KIAA0586: variants seen among roughly 807,000 people sequenced by gnomAD.
KIAA0586 encodes KIAA0586.
In KIAA0586, 144 loss-of-function variants were observed where a neutral mutation model predicts 169.8. The ratio of observed to expected loss-of-function variants is 0.85; its 90% confidence interval spans 0.74 to 0.97. The LOEUF is 0.97. Among genes scored for constraint, KIAA0586 ranks in the 50% least tolerant of loss-of-function variants. KIAA0586 has a pLI of 0.00. For missense variants in KIAA0586, 1,854 were observed against 1,823.0 expected (o/e 1.02, Z -0.31); for synonymous variants, 625 against 612.4 (o/e 1.02, Z -0.30).
At chr14:58,558,146 A>T in the KIAA0586 span, among the ~76,000 whole-genome samples, 1 of 151,890 alleles carries the variant, frequency 6.6e-6, no homozygotes, top group Non-Finnish European at 1.5e-5. Flanking sequence ...CCTGGCCTCA[A>T]GTGACCCGCC....
intron 2 of KIAA0586, 136 bp from the exon 3 acceptor site, chr14:58,430,512 A>G: frequency 1.8e-6 from 1 of 547,564 alleles, no homozygotes; most frequent in East Asian, 3.1e-5. Flanking sequence ...GAATTGCATG[A>G]TGATGGAAAT....
Position 58,453,452 on chromosome 14 carries a change from G to A in KIAA0586, c.1232G>A (p.Trp411Ter). Reference protein sequence around the residue: ...TTSLTRSKIGWTPEKTNRFPS... With the variant: ...TTSLTRSKIG The stretch of plus-strand genomic sequence containing the variant: ...TCACTAACTAGGTCAAAAATAGGAT[G>A]GACTCCTGAGAAAACAAACAGGTAA... Residue 411 changes from tryptophan (W) to a stop codon, truncating the protein, a stop_gained, in exon 9 of 31, where the codon TGG becomes TAG. Transcript: ENST00000652326. LOFTEE classifies it high-confidence loss of function. The A allele has an allele frequency of 6.6e-7, 1 of 1,515,646 alleles. No homozygotes were observed. The highest frequency in any genetic ancestry group is 8.8e-7 in the Non-Finnish European group (1 of 1,133,998). The allele number at this position is 1,515,646 out of a possible 1,614,324, so 93.9% of individuals were successfully genotyped here. A position where few individuals can be genotyped will look rare whatever the true frequency, so the allele number is the denominator to read the frequency against.
intron 29 of KIAA0586, among the ~76,000 whole-genome samples, chr14:58,529,365 A>G (rs996866241): frequency 6.6e-6 from 1 of 152,234 alleles, no homozygotes; most frequent in South Asian, 2.1e-4. Context: ...TGAAGCCAGC[A>G]TCATCCTGAT....
chr14:58,554,169 CTGCT>C (rs2047231900), downstream of KIAA0586, among the ~76,000 whole-genome samples: 1 of 151,944 alleles, frequency 6.6e-6, no homozygotes, highest in Non-Finnish European at 1.5e-5. Context: ...GTTCAAGCCT[CTGCT>C]TGTGTCATAT....
intron 4 of KIAA0586, among the ~76,000 whole-genome samples, chr14:58,442,227 A>C (rs1441230383): frequency 1.3e-5 from 2 of 152,128 alleles, no homozygotes; most frequent in East Asian, 3.9e-4. Context: ...CTCCTGCCTC[A>C]GCCTCCTGAG....
intron 5 of KIAA0586, among the ~76,000 whole-genome samples, chr14:58,443,722 C>CA (rs2038613750): frequency 6.6e-6 from 1 of 152,154 alleles, no homozygotes; most frequent in African/African-American, 2.4e-5. Context: ...CGCGCCTGGC[C>CA]AATTTTTTTT....
intron 14 of KIAA0586, among the ~76,000 whole-genome samples, chr14:58,462,268 G>C (rs976489981): frequency 9.1e-5 from 10 of 109,656 alleles, no homozygotes; most frequent in African/African-American, 3.2e-4. Context: ...TTTTTTTTGA[G>C]ACGGAGTCTT....
chr14:58,436,942 G>A (rs551090222), intron 4 of KIAA0586, among the ~76,000 whole-genome samples: 21 of 152,274 alleles, frequency 1.4e-4, no homozygotes, highest in African/African-American at 4.6e-4. Context: ...TCCCCTAAAG[G>A]AATTTGGTCT....
At chr14:58,447,488 A>ATTTTG (rs1346383080) in intron 6 of KIAA0586, among the ~76,000 whole-genome samples, 17 of 130,526 alleles carry the variant, frequency 1.3e-4, no homozygotes, top group African/African-American at 3.8e-4. Flanking sequence ...GTTTTATTTT[A>ATTTTG]TTTTGTTTTT....
At chr14:58,485,986 A>G (rs1302940465) in intron 21 of KIAA0586, among the ~76,000 whole-genome samples, 1 of 151,982 alleles carries the variant, frequency 6.6e-6, no homozygotes, top group Non-Finnish European at 1.5e-5. Context: ...TTAAAATTTC[A>G]GCTTTTATTT....
chr14:58,541,034 C>G (rs1175080670), intron 30 of KIAA0586, among the ~76,000 whole-genome samples: 1 of 152,174 alleles, frequency 6.6e-6, no homozygotes, highest in Non-Finnish European at 1.5e-5. Flanking sequence ...GCTTCAAGAA[C>G]TCAATAAAAC....
At chr14:58,430,439 A>T (rs569539508) in intron 2 of KIAA0586, among the ~76,000 whole-genome samples, 4 of 152,216 alleles carry the variant, frequency 2.6e-5, no homozygotes, top group African/African-American at 9.6e-5. Context: ...TCATTCATTC[A>T]CTTGTCTGAT....
At chr14:58,483,149 T>C (rs1158189418) in intron 21 of KIAA0586, among the ~76,000 whole-genome samples, 1 of 91,804 alleles carries the variant, frequency 1.1e-5, no homozygotes, top group Non-Finnish European at 2.2e-5. Flanking sequence ...CCAAAGAATA[T>C]GAAAAGTCAG....
chr14:58,524,147 C>T (rs780730573), intron 29 of KIAA0586, among the ~76,000 whole-genome samples: 3 of 152,106 alleles, frequency 2.0e-5, no homozygotes, highest in African/African-American at 2.4e-5. Flanking sequence ...GATGTAGCTA[C>T]GCAGCTGTCC....
At chr14:58,442,623 G>A (rs144199177) in intron 4 of KIAA0586, 83 bp from the exon 5 acceptor site, 44 of 1,031,218 alleles carry the variant, frequency 4.3e-5, no homozygotes, top group Non-Finnish European at 5.7e-5. Context: ...AACCACCTTC[G>A]GCAGATTACC....
At chr14:58,442,947 T>G (rs2038529270) in intron 5 of KIAA0586, 67 bp downstream of exon 5, 1 of 1,152,114 alleles carries the variant, frequency 8.7e-7, no homozygotes, top group Non-Finnish European at 1.2e-6. Flanking sequence ...TAAGAACTGA[T>G]TCTATAAATG....
chr14:58,429,626 A>T (rs1280055543), intron 2 of KIAA0586, among the ~76,000 whole-genome samples, 193 bp downstream of exon 2: 1 of 152,208 alleles, frequency 6.6e-6, no homozygotes, highest in Non-Finnish European at 1.5e-5. Context: ...CCTTCCCTAG[A>T]ATCAAAAATA....
At position 58,549,985 on chromosome 14, in the gene KIAA0586, G is replaced by T. The variant is rs1391280468; in HGVS notation, c.*2053G>T. On this transcript the variant is annotated 3_prime_UTR_variant, in exon 31 of 31. Transcript: ENST00000652326. The stretch of plus-strand genomic sequence containing the variant: ...TGAGCTTTTCTTTTAAAAAAAATTA[G>T]TGTCCATTCGACGGTTTCTTTTTTT... 6.6e-6 allele frequency: 1 copy of T among 151,492 alleles called. No homozygotes were observed. The highest frequency in any genetic ancestry group is 3.4e-3 in the Middle Eastern group (1 of 292). 9.4% of individuals were successfully genotyped at this position (151,492 alleles called of 1,614,324 possible).
At chr14:58,506,432 A>G (rs1372920349) in intron 27 of KIAA0586, among the ~76,000 whole-genome samples, 4 of 152,172 alleles carry the variant, frequency 2.6e-5, no homozygotes, top group Non-Finnish European at 4.4e-5. Flanking sequence ...TAATCCCAGC[A>G]CTTTGGGAGA....
Sources: gnomAD v4.1 joint callset for allele counts (sites outside exome capture counted in the v4.1 genomes callset) on GRCh38, gnomAD v4.1.1 for gene constraint, MANE v1.5 for transcripts, NCBI Gene and HGNC (gene_info 2026-07-23, HGNC 2026-07-21) for gene names.